Variants in SREK1IP1 observed in about 807,000 individuals in gnomAD.
SREK1IP1 encodes the protein SREK1 interacting protein 1, also known as protein SREK1IP1.
SREK1IP1 carries 12 observed loss-of-function variants against 22.8 expected under a neutral mutation model. The observed-to-expected ratio is 0.53, with a 90% CI of 0.34 to 0.85. The LOEUF is 0.85. SREK1IP1 is among the 40% of genes least tolerant of loss of function. The pLI is 0.02. For missense variants in SREK1IP1, 147 were observed against 171.8 expected, an observed-to-expected ratio of 0.86 and a Z score of 0.81; for synonymous variants, 53 against 52.7, an observed-to-expected ratio of 1.01 and a Z score of -0.02.
At chr5:64,750,309 A>G (rs1261796776) in intron 2 of SREK1IP1, among the ~76,000 whole-genome samples, 1 of 152,080 alleles carries the variant, frequency 6.6e-6, no homozygotes, top group African/African-American at 2.4e-5. Context: ...TCTCATTATG[A>G]TCTTCATTCC....
At chr5:64,740,672 TG>T (rs1197951682) in intron 3 of SREK1IP1, among the ~76,000 whole-genome samples, 1 of 152,136 alleles carries the variant, frequency 6.6e-6, no homozygotes, top group Admixed American at 6.6e-5. Flanking sequence ...TCCAACATTT[TG>T]TGTTATCCCA....
intron 1 of SREK1IP1, among the ~76,000 whole-genome samples, chr5:64,763,909 C>A (rs1404090784): frequency 6.6e-6 from 1 of 152,126 alleles, no homozygotes; most frequent in Non-Finnish European, 1.5e-5. Flanking sequence ...ACCTTGCCAT[C>A]CAACTTAATG....
chr5:64,761,604 T>C (rs1006977572), intron 1 of SREK1IP1, among the ~76,000 whole-genome samples: 5 of 152,140 alleles, frequency 3.3e-5, no homozygotes, highest in Non-Finnish European at 5.9e-5. Flanking sequence ...ACCTAAACAT[T>C]GAAAAGGTAC....
intron 1 of SREK1IP1, among the ~76,000 whole-genome samples, chr5:64,763,227 G>A (rs1258702613): frequency 6.6e-6 from 1 of 151,946 alleles, no homozygotes; most frequent in Non-Finnish European, 1.5e-5. Context: ...ATTAATCCGT[G>A]AAGAAAAAAG....
At position 64,723,469 on chromosome 5, in the gene SREK1IP1, T is replaced by C. The variant is rs1358427010; in HGVS notation, c.*915A>G. 6.6e-6 allele frequency: 1 copy of C among 152,544 alleles called. No homozygotes were observed. The highest frequency in any genetic ancestry group is 1.5e-5 in the Non-Finnish European group (1 of 68,004). 9.4% of individuals were successfully genotyped at this position (152,544 alleles called of 1,614,324 possible). On this transcript the variant is annotated 3_prime_UTR_variant, in exon 5 of 5. Coordinates refer to ENST00000513458, the MANE Select transcript of SREK1IP1 (RefSeq NM_173829.4). ...TTTATAAAATTTTCCACAGTACTCA[T>C]AGAAACAAGCTTCATAAAATTTATA...
In SREK1IP1 at chr5:64,721,916, A is replaced by G. The variant is rs1229905999; in HGVS notation, c.*2468T>C. 6.6e-6 allele frequency: 1 copy of G among 152,208 alleles called. No homozygotes were observed. Among genetic ancestry groups the G allele is most frequent in the Non-Finnish European group, 1.5e-5 (1 of 68,034 alleles). The allele number at this position is 152,208 out of a possible 1,614,324, so 9.4% of individuals were successfully genotyped here. On this transcript the variant is annotated 3_prime_UTR_variant, in exon 5 of 5. Coordinates refer to ENST00000513458, the MANE Select transcript of SREK1IP1 (RefSeq NM_173829.4). ...GAGATAATCTGGTACAATATTTTATAGACGAAAGACACCAAGGCCCAGGGA... is the reference window on the plus strand; with the variant it reads ...GAGATAATCTGGTACAATATTTTATGGACGAAAGACACCAAGGCCCAGGGA...
intron 3 of SREK1IP1, among the ~76,000 whole-genome samples, chr5:64,736,996 G>A (rs1212981526): frequency 6.6e-6 from 1 of 151,252 alleles, no homozygotes; most frequent in African/African-American, 2.4e-5. Context: ...AGGAACTAAG[G>A]AAATAAAACA....
chr5:64,732,434 C>T (rs528702159), intron 3 of SREK1IP1, among the ~76,000 whole-genome samples: 22 of 152,002 alleles, frequency 1.4e-4, no homozygotes, highest in East Asian at 5.8e-4. Context: ...TTATTAGCAA[C>T]GAACATGCAG....
chr5:64,752,442 T>G (rs1742765152), intron 2 of SREK1IP1, among the ~76,000 whole-genome samples: 1 of 152,104 alleles, frequency 6.6e-6, no homozygotes, highest in South Asian at 2.1e-4. Flanking sequence ...TGAGCCACCA[T>G]GCCTGGCCTG....
In SREK1IP1 at chr5:64,740,933, T is replaced by C; in HGVS notation, c.205+124A>G. 5.9e-6 allele frequency: 5 copies of C among 854,352 alleles called. No individual in the cohort carries two copies. The South Asian group carries it at 7.8e-5, about 13-fold the overall frequency. The allele number at this position is 854,352 out of a possible 1,614,324, so 52.9% of individuals were successfully genotyped here. ...AATAACTTACAATATTTAAAACCTA[T>C]TTCCTATGCAGTAGCTCTTACATAA... On this transcript the variant is annotated intron_variant, in intron 3 of 4. Coordinates refer to ENST00000513458, the MANE Select transcript of SREK1IP1 (RefSeq NM_173829.4).
At chr5:64,752,428 G>A (rs954516022) in intron 2 of SREK1IP1, among the ~76,000 whole-genome samples, 20 of 152,216 alleles carry the variant, frequency 1.3e-4, no homozygotes, top group African/African-American at 4.8e-4. Context: ...TGGGATTACA[G>A]GCGTGAGCCA....
intron 3 of SREK1IP1, among the ~76,000 whole-genome samples, chr5:64,736,182 G>A (rs547923885): frequency 3.9e-5 from 6 of 152,060 alleles, no homozygotes; most frequent in Admixed American, 3.9e-4. Flanking sequence ...CTATGGCCCA[G>A]AATCAGGTCT....
rs566082287 is a variant in SREK1IP1, at chr5:64,762,275, A to G, written c.13+6230T>C. On this transcript the variant is annotated intron_variant, in intron 1 of 4. Transcript: ENST00000513458. ...AAGTTTTTTAGTACTAAGTAATTAG[A>G]AATTGCAATTACTTCTGTCACAGGA... Among the ~76,000 whole-genome samples the G allele has an allele frequency of 2.0e-5, 3 of 152,322 alleles. No individual in the cohort carries two copies. The South Asian group carries it at 6.2e-4, about 32-fold the overall frequency.
At chr5:64,727,890 T>C (rs1742302760) in intron 4 of SREK1IP1, 1 of 335,054 alleles carries the variant, frequency 3.0e-6, no homozygotes, top group African/African-American at 2.3e-5. Flanking sequence ...AGTTAATTTA[T>C]TAGCCATGGT....
intron 1 of SREK1IP1, among the ~76,000 whole-genome samples, chr5:64,759,187 T>C (rs1580558574): frequency 6.6e-6 from 1 of 152,208 alleles, no homozygotes; most frequent in Admixed American, 6.5e-5. Flanking sequence ...ACCCTTATTA[T>C]GCAGGCTTTG....
intron 2 of SREK1IP1, among the ~76,000 whole-genome samples, chr5:64,747,019 A>G (rs184459707): frequency 6.6e-6 from 1 of 152,266 alleles, no homozygotes; most frequent in Admixed American, 6.5e-5. Context: ...GAACAGCCAA[A>G]TGGAGGAGAT....
intron 2 of SREK1IP1, among the ~76,000 whole-genome samples, chr5:64,753,837 C>T (rs1742789285): frequency 1.3e-5 from 2 of 152,166 alleles, no homozygotes; most frequent in African/African-American, 4.8e-5. Flanking sequence ...TACCTTTTCA[C>T]TCACTTAATC....
chr5:64,750,428 C>G lies in SREK1IP1; in HGVS notation c.61+3887G>C, dbSNP rs551641515. ...TACCCTTGTTCATCCTCATTGCAGA[C>G]AAATGAATCTGACTCAAAGTTACTA... is the stretch of plus-strand genomic sequence containing the variant. On this transcript the variant is annotated intron_variant, in intron 2 of 4. Coordinates refer to ENST00000513458, the MANE Select transcript of SREK1IP1 (RefSeq NM_173829.4). 4.6e-5 allele frequency among the ~76,000 whole-genome samples: 7 copies of G among 152,290 alleles called. No individual in the cohort carries two copies. In the East Asian group the frequency reaches 1.2e-3, roughly 25 times the overall value.
chr5:64,767,832 C>G (rs1743074129), intron 1 of SREK1IP1, among the ~76,000 whole-genome samples: 1 of 152,150 alleles, frequency 6.6e-6, no homozygotes. Flanking sequence ...GAGATGCTTT[C>G]CGCTACTAGA....
Sources: gnomAD v4.1 joint callset for allele counts (sites outside exome capture counted in the v4.1 genomes callset) on GRCh38, gnomAD v4.1.1 for gene constraint, MANE v1.5 for transcripts, NCBI Gene and HGNC (gene_info 2026-07-23, HGNC 2026-07-21) for gene names.